The following PSMD3 variants were observed in gnomAD, a reference collection of about 807,000 sequenced individuals.
PSMD3 encodes 26S proteasome non-ATPase regulatory subunit 3.
PSMD3 carries 5 observed loss-of-function variants against 62.8 expected under a neutral mutation model. The observed-to-expected ratio is 0.08, with a 90% confidence interval of 0.04 to 0.17. PSMD3 has a LOEUF of 0.17. Among genes scored for constraint, PSMD3 ranks in the 10% least tolerant of loss-of-function variants. The pLI is 1.00. For missense variants in PSMD3, 524 were observed against 713.6 expected, an observed-to-expected ratio of 0.73 and a Z score of 3.03; for synonymous variants, 265 against 283.9, an observed-to-expected ratio of 0.93 and a Z score of 0.67.
At chr17:39,981,508 A>C (rs1372579206) in intron 1 of PSMD3, among the ~76,000 whole-genome samples, 1 of 151,936 alleles carries the variant, frequency 6.6e-6, no homozygotes, top group African/African-American at 2.4e-5. Flanking sequence ...ATCCCACCCG[A>C]CTGATTTTAG....
At chr17:39,981,327 T>C in intron 1 of PSMD3, 137 bp downstream of exon 1, 1 of 1,397,170 alleles carries the variant, frequency 7.2e-7, no homozygotes, top group Non-Finnish European at 9.5e-7. Context: ...CTGCTCCCAC[T>C]GCCCCGACAC....
chr17:39,980,838 C>G lies in PSMD3; in HGVS notation c.-133C>G, dbSNP rs1040616586. 14 of 826,700 alleles carry G rather than the reference C, an allele frequency of 1.7e-5. No homozygotes were observed. The highest frequency in any genetic ancestry group is 3.7e-5 in the African/African-American group (2 of 54,536). 51.2% of individuals were successfully genotyped at this position (826,700 alleles called of 1,614,324 possible). A position where few individuals can be genotyped will look rare whatever the true frequency, so the allele number is the denominator to read the frequency against. ...CCCAGCGCCGGGAAGGGGTTTGCAG[C>G]TGCTCCGTCATCGTGCGGCCCGACG... On this transcript the variant is annotated 5_prime_UTR_variant, in exon 1 of 12. Transcript: ENST00000264639.
intron 1 of PSMD3, among the ~76,000 whole-genome samples, chr17:39,982,893 C>T (rs932051150): frequency 6.6e-6 from 1 of 152,194 alleles, no homozygotes; most frequent in Admixed American, 6.5e-5. Flanking sequence ...CTAATTATTT[C>T]TTCAGTACAG....
chr17:39,989,709 G>C, intron 4 of PSMD3, 30 bp from the exon 5 acceptor site: 1 of 1,596,152 alleles, frequency 6.3e-7, no homozygotes, highest in Non-Finnish European at 8.5e-7. Context: ...GTGATTTGAA[G>C]GCTTTGACAT....
intron 4 of PSMD3, 53 bp from the exon 5 acceptor site, chr17:39,989,686 A>C: frequency 6.6e-7 from 1 of 1,521,316 alleles, no homozygotes; most frequent in Non-Finnish European, 9.0e-7. Flanking sequence ...AGTTAAAGGC[A>C]GTTCAGAGAG....
intron 5 of PSMD3, 49 bp from the exon 6 acceptor site, chr17:39,990,045 G>T: frequency 6.3e-7 from 1 of 1,599,348 alleles, no homozygotes; most frequent in Non-Finnish European, 8.6e-7. Flanking sequence ...TCGGTGGGGA[G>T]TTGGATGACC....
intron 1 of PSMD3, among the ~76,000 whole-genome samples, chr17:39,981,604 G>A (rs1163594698): frequency 6.6e-6 from 1 of 152,132 alleles, no homozygotes; most frequent in Non-Finnish European, 1.5e-5. Flanking sequence ...CTAGAATATT[G>A]ACTCCTGAGT....
chr17:39,983,898 G>T (rs911412665), intron 1 of PSMD3, among the ~76,000 whole-genome samples: 1 of 152,160 alleles, frequency 6.6e-6, no homozygotes, highest in Non-Finnish European at 1.5e-5. Flanking sequence ...TCTGTGAGAG[G>T]CTCCTTAGAA....
At chr17:39,990,948 G>A (rs1980640575) in intron 6 of PSMD3, among the ~76,000 whole-genome samples, 2 of 152,068 alleles carry the variant, frequency 1.3e-5, no homozygotes, top group Admixed American at 6.6e-5. Context: ...GGATAGGAAG[G>A]GAGGATAATA....
In PSMD3 at chr17:39,984,393, G is replaced by A. The variant is rs143231745; in HGVS notation, c.320G>A (p.Arg107His). The A allele has an allele frequency of 5.7e-5, 92 of 1,613,614 alleles. No individual in the cohort carries two copies. Among genetic ancestry groups the A allele is most frequent in the Non-Finnish European group, 7.1e-5 (84 of 1,180,014 alleles). Residue 107 changes from arginine to histidine, a missense_variant, in exon 2 of 12, where the codon CGC becomes CAC. Around this residue, in one of 4 missense-constraint regions of PSMD3, gnomAD observed 396 missense variants for 475.8 expected, o/e 0.83. Coordinates refer to ENST00000264639, the MANE Select transcript of PSMD3 (RefSeq NM_002809.4). Reference protein sequence around the residue: ...ALRMLPSTSRRLNHYVLYKAV... With the variant: ...ALRMLPSTSRHLNHYVLYKAV... The stretch of plus-strand genomic sequence containing the variant: ...CGGATGCTGCCTTCCACATCACGCC[G>A]CCTCAACCACTATGTTCTGTATAAG...
In PSMD3 at chr17:39,984,487, G is replaced by A. The variant is rs1394432051; in HGVS notation, c.411+3G>A. 2 of 1,609,306 alleles carry A rather than the reference G, an allele frequency of 1.2e-6. No homozygotes were observed. Among genetic ancestry groups the A allele is most frequent in the Non-Finnish European group, 1.7e-6 (2 of 1,176,920 alleles). On this transcript the variant is annotated splice_donor_region_variant and intron_variant, in intron 2 of 11. Transcript: ENST00000264639. ...TTTTGCTCCCCTTCCTGGAAGAGGT[G>A]AGTGAGTCAGGCCAACTTAAAGGGT... is the stretch of plus-strand genomic sequence containing the variant.
rs1467900790 is a variant in PSMD3 at position 39,997,649 on chromosome 17, A to G, written c.*68A>G. ...TTTCCCCCTTGGGGGTCCCCTGCCC[A>G]GGGCACTGTCCCCATTTTCCCACAC... On this transcript the variant is annotated 3_prime_UTR_variant, in exon 12 of 12. Coordinates refer to ENST00000264639, the MANE Select transcript of PSMD3 (RefSeq NM_002809.4). 1.3e-6 allele frequency: 2 copies of G among 1,536,860 alleles called. No homozygotes were observed. Among genetic ancestry groups the G allele is most frequent in the Admixed American group, 1.8e-5 (1 of 56,820 alleles).
chr17:39,987,129 G>A (rs4795411), intron 3 of PSMD3, among the ~76,000 whole-genome samples: 139,728 of 152,292 alleles, frequency 0.92, 64,181 homozygotes, highest in Middle Eastern at 0.96. Context: ...AATACTTAGC[G>A]CAATGATCTG....
At position 39,994,942 on chromosome 17, in the gene PSMD3, C is replaced by A. The variant is rs1173164437; in HGVS notation, c.982-12C>A. ...CTCCCTGCCCACTGTGTTCCCCTGT[C>A]ACTCTGTCCAGGTGCACAAGCTTCT... On this transcript the variant is annotated splice_polypyrimidine_tract_variant and intron_variant, in intron 6 of 11. Coordinates refer to ENST00000264639, the MANE Select transcript of PSMD3 (RefSeq NM_002809.4). 3 of 1,612,452 alleles carry A rather than the reference C, an allele frequency of 1.9e-6. No individual in the cohort carries two copies. Among genetic ancestry groups the A allele is most frequent in the Non-Finnish European group, 2.5e-6 (3 of 1,178,608 alleles).
chr17:39,983,574 T>G (rs142457449), intron 1 of PSMD3, among the ~76,000 whole-genome samples: 209 of 152,318 alleles, frequency 1.4e-3, no homozygotes, highest in Non-Finnish European at 2.2e-3. Context: ...TTGAAAATAT[T>G]TTTCTTTTGT....
At chr17:39,989,597 C>T in intron 4 of PSMD3, 142 bp from the exon 5 acceptor site, 1 of 805,942 alleles carries the variant, frequency 1.2e-6, no homozygotes, top group Middle Eastern at 2.5e-4. Context: ...ACCTTAGGCA[C>T]TCGATAGTTA....
chr17:39,982,825 C>T (rs1980420700), intron 1 of PSMD3, among the ~76,000 whole-genome samples: 1 of 152,146 alleles, frequency 6.6e-6, no homozygotes, highest in Non-Finnish European at 1.5e-5. Flanking sequence ...TAGTTTCTTG[C>T]TATCATAAAT....
At position 39,990,113 on chromosome 17, in the gene PSMD3, G is replaced by C; in HGVS notation, c.897G>C (p.Gln299His). Residue 299 changes from glutamine to histidine, a missense_variant, in exon 6 of 12, where the codon CAG becomes CAC. Gln to His is a conservative substitution (Grantham distance 24). Around this residue, in one of 4 missense-constraint regions of PSMD3, gnomAD observed 396 missense variants for 475.8 expected, o/e 0.83. Coordinates refer to ENST00000264639, the MANE Select transcript of PSMD3 (RefSeq NM_002809.4). ...TCCCAGGGCGAATCAAAGCCATCCAGCTGGAGTACTCAGAGGCCCGGAGAA... is the reference window on the plus strand; with the variant it reads ...TCCCAGGGCGAATCAAAGCCATCCACCTGGAGTACTCAGAGGCCCGGAGAA... Reference protein sequence around the residue: ...LYYTGRIKAIQLEYSEARRTM... With the variant: ...LYYTGRIKAIHLEYSEARRTM... 3 of 1,614,058 alleles carry C rather than the reference G, an allele frequency of 1.9e-6. No individual in the cohort carries two copies. Among genetic ancestry groups the C allele is most frequent in the South Asian group, 1.1e-5 (1 of 91,078 alleles).
chr17:39,997,133 TC>T (rs1980802690), intron 10 of PSMD3, among the ~76,000 whole-genome samples, 196 bp from the exon 11 acceptor site: 2 of 152,130 alleles, frequency 1.3e-5, no homozygotes, highest in South Asian at 4.1e-4. Flanking sequence ...GGTCGTTTAT[TC>T]CTCTTTTTTC....
Sources: gnomAD v4.1 joint callset for allele counts (sites outside exome capture counted in the v4.1 genomes callset) on GRCh38, gnomAD v4.1.1 for gene constraint, gnomAD v4.1.1 regional missense constraint, MANE v1.5 for transcripts, NCBI Gene and HGNC (gene_info 2026-07-23, HGNC 2026-07-21) for gene names.